Variants in ARHGEF4 observed in about 807,000 individuals in gnomAD.
The protein encoded by ARHGEF4 is Rho guanine nucleotide exchange factor 4, also known as APC-stimulated guanine nucleotide exchange factor 1.
A neutral mutation model predicts 162.0 loss-of-function variants in ARHGEF4; 119 were observed. The ratio of observed to expected loss-of-function variants is 0.73; its 90% CI spans 0.63 to 0.86. The LOEUF (loss-of-function observed/expected upper bound fraction) is 0.86, where lower values mean the gene tolerates loss of function less well. ARHGEF4 is among the 40% of genes least tolerant of loss of function. The pLI is 0.00. For synonymous variants in ARHGEF4, 1,014 were observed against 979.9 expected (o/e 1.03, Z -0.65); for missense variants, 2,488 against 2,456.0 (o/e 1.01, Z -0.28).
chr2:131,002,131 G>A (rs1244380070), intron 4 of ARHGEF4, among the ~76,000 whole-genome samples: 1 of 152,194 alleles, frequency 6.6e-6, no homozygotes, highest in Non-Finnish European at 1.5e-5. Flanking sequence ...GATGCTTGGA[G>A]TACAGTGGTA....
intron 4 of ARHGEF4, among the ~76,000 whole-genome samples, chr2:131,027,615 C>G (rs905197079): frequency 2.0e-5 from 3 of 152,168 alleles, no homozygotes; most frequent in Non-Finnish European, 4.4e-5. Context: ...TATACTATAG[C>G]CAACACAATG....
intron 2 of ARHGEF4, among the ~76,000 whole-genome samples, chr2:130,924,050 T>A (rs1211145778): frequency 6.6e-6 from 1 of 150,798 alleles, no homozygotes; most frequent in East Asian, 2.0e-4. Context: ...TCGGCTAATT[T>A]TTTTGTGCTT....
At chr2:130,942,517 A>G (rs191372652) in intron 3 of ARHGEF4, among the ~76,000 whole-genome samples, 1 of 152,304 alleles carries the variant, frequency 6.6e-6, no homozygotes, top group Non-Finnish European at 1.5e-5. Context: ...TAAACACAAA[A>G]AGATCAACTG....
chr2:130,841,371 C>CTT (rs35533760), intron 1 of ARHGEF4, among the ~76,000 whole-genome samples: 101 of 133,060 alleles, frequency 7.6e-4, no homozygotes, highest in African/African-American at 2.3e-3. Flanking sequence ...GCCTAGAAAG[C>CTT]TTTTTTTTTT....
chr2:130,966,097 C>G lies in ARHGEF4; in HGVS notation c.3985+19462C>G, dbSNP rs1019449456. On this transcript the variant is annotated intron_variant, in intron 4 of 13. Coordinates refer to ENST00000409359, the MANE Select transcript of ARHGEF4 (RefSeq NM_001367493.1). ...CTCTAGGTCCACAGGCAGCACACTACCCGGGGAGTGCTGGTCAGTAACCAG... is the reference window on the plus strand; with the variant it reads ...CTCTAGGTCCACAGGCAGCACACTAGCCGGGGAGTGCTGGTCAGTAACCAG... Among the ~76,000 whole-genome samples, 10 of 152,310 alleles carry G rather than the reference C, an allele frequency of 6.6e-5. No individual in the cohort carries two copies. In the East Asian group the frequency reaches 1.9e-3, roughly 29 times the overall value.
At chr2:130,886,915 C>T (rs1052609637) in intron 1 of ARHGEF4, among the ~76,000 whole-genome samples, 7 of 151,782 alleles carry the variant, frequency 4.6e-5, no homozygotes, top group Non-Finnish European at 8.8e-5. Context: ...CCAGTGATGA[C>T]TGTGGCACCA....
At chr2:130,872,013 T>TG (rs1442275382) in intron 1 of ARHGEF4, among the ~76,000 whole-genome samples, 10 of 152,372 alleles carry the variant, frequency 6.6e-5, no homozygotes, top group African/African-American at 2.4e-4. Context: ...GAACACCAGC[T>TG]GTGCATCTGC....
intron 2 of ARHGEF4, among the ~76,000 whole-genome samples, chr2:130,926,263 G>T (rs1682283101): frequency 6.6e-6 from 1 of 151,628 alleles, no homozygotes; most frequent in Admixed American, 6.6e-5. Context: ...TCTTTGCTAA[G>T]ATTTTCCATT....
At chr2:130,949,457 C>G (rs891324946) in intron 4 of ARHGEF4, among the ~76,000 whole-genome samples, 3 of 150,312 alleles carry the variant, frequency 2.0e-5, no homozygotes, top group Admixed American at 6.6e-5. Flanking sequence ...GGGTTCACGC[C>G]ATTCTCCTGC....
chr2:130,992,610 C>T (rs1015275420), intron 4 of ARHGEF4, among the ~76,000 whole-genome samples: 5 of 152,008 alleles, frequency 3.3e-5, no homozygotes, highest in East Asian at 3.9e-4. Context: ...ACTCCAGACG[C>T]GCCACCTTAA....
chr2:130,944,362 T>A (rs1399516979), intron 3 of ARHGEF4, among the ~76,000 whole-genome samples: 2 of 152,238 alleles, frequency 1.3e-5, no homozygotes, highest in Non-Finnish European at 2.9e-5. Context: ...TGTTCTGCAC[T>A]GCACTCCCTT....
At chr2:130,983,085 A>G (rs1406816003) in intron 4 of ARHGEF4, among the ~76,000 whole-genome samples, 1 of 152,238 alleles carries the variant, frequency 6.6e-6, no homozygotes, top group African/African-American at 2.4e-5. Flanking sequence ...TCTAATGAGC[A>G]TCAAAAATAA....
chr2:131,030,873 C>T (rs757979432), intron 5 of ARHGEF4, among the ~76,000 whole-genome samples: 2 of 152,208 alleles, frequency 1.3e-5, no homozygotes, highest in Non-Finnish European at 2.9e-5. Flanking sequence ...TGGACTCACT[C>T]ATCAGAAACT....
At chr2:130,981,644 C>T (rs1427293985) in intron 4 of ARHGEF4, among the ~76,000 whole-genome samples, 57 of 142,782 alleles carry the variant, frequency 4.0e-4, no homozygotes, top group African/African-American at 1.4e-3. Context: ...GGTGACAAAG[C>T]GAGACTCCAT....
intron 1 of ARHGEF4, among the ~76,000 whole-genome samples, chr2:130,888,662 G>A (rs58040988): frequency 0.018 from 2,759 of 152,122 alleles, 122 homozygotes; most frequent in African/African-American, 0.064. Flanking sequence ...ATTGTAAAGT[G>A]TTCTTTTGTT....
At chr2:131,030,466 G>C (rs1415344407) in intron 5 of ARHGEF4, among the ~76,000 whole-genome samples, 3 of 152,228 alleles carry the variant, frequency 2.0e-5, no homozygotes, top group Non-Finnish European at 4.4e-5. Context: ...AGCAGACGGA[G>C]TGTTGCTGCT....
At position 130,916,963 on chromosome 2, in the gene ARHGEF4, C is replaced by G. The variant is rs879583181; in HGVS notation, c.3017C>G (p.Pro1006Arg). The G allele has an allele frequency of 1.9e-6, 3 of 1,550,706 alleles. No homozygotes were observed. The highest frequency in any genetic ancestry group is 2.0e-5 in the Admixed American group (1 of 50,988). Residue 1006 changes from proline (P) to arginine (R), a missense_variant, in exon 2 of 14, where the codon CCC (proline) becomes CGC (arginine). By Grantham distance (103) the Pro-to-Arg change is moderately radical. This residue lies in a region of ARHGEF4 where 1,642 missense variants were observed against 1,481.5 expected (regional missense o/e 1.11). Transcript: ENST00000409359. ...EGYVFSDHWA[P>R]PLASTPLSSS... Reference sequence around the variant, plus strand: ...TATGTTTTTAGCGATCACTGGGCACCCCCACTTGCCTCCACACCTTTGTCC... The same window carrying G: ...TATGTTTTTAGCGATCACTGGGCACGCCCACTTGCCTCCACACCTTTGTCC...
intron 1 of ARHGEF4, among the ~76,000 whole-genome samples, chr2:130,882,446 C>T (rs755451163): frequency 1.4e-4 from 22 of 152,024 alleles, no homozygotes; most frequent in Non-Finnish European, 2.2e-4. Context: ...TGTGTCCCCA[C>T]GTGGTGGGAG....
At chr2:130,978,318 G>A (rs987331782) in intron 4 of ARHGEF4, among the ~76,000 whole-genome samples, 3 of 152,154 alleles carry the variant, frequency 2.0e-5, no homozygotes, top group South Asian at 2.1e-4. Context: ...CCCAGGAATC[G>A]AAGGTTAATC....
Sources: allele counts gnomAD v4.1 joint callset (sites outside exome capture counted in the v4.1 genomes callset), GRCh38; gene constraint gnomAD v4.1.1; regional missense constraint gnomAD v4.1.1; transcripts MANE v1.5; gene names NCBI Gene and HGNC (gene_info 2026-07-23, HGNC 2026-07-21).